The following AGBL4 variants were observed in gnomAD, a reference collection of about 807,000 sequenced individuals.
The protein encoded by AGBL4 is cytosolic carboxypeptidase 6.
In AGBL4, 58 loss-of-function variants were observed where a neutral mutation model predicts 66.4. That is an observed-to-expected ratio of 0.87 (90% confidence interval 0.71 to 1.09). The LOEUF (loss-of-function observed/expected upper bound fraction) is 1.09. AGBL4 is among the 50% of genes least tolerant of loss of function. AGBL4 has a pLI of 0.00. For missense variants in AGBL4, 579 were observed against 631.0 expected (o/e 0.92, Z 0.88); for synonymous variants, 234 against 222.9 (o/e 1.05, Z -0.44).
At chr1:49,172,595 C>G (rs926463913) in intron 4 of AGBL4, among the ~76,000 whole-genome samples, 3 of 152,062 alleles carry the variant, frequency 2.0e-5, no homozygotes, top group Non-Finnish European at 4.4e-5. Context: ...TGAGCAGAGC[C>G]AAACAACATA....
chr1:49,454,059 C>T (rs1646337367), intron 3 of AGBL4, among the ~76,000 whole-genome samples: 1 of 151,738 alleles, frequency 6.6e-6, no homozygotes, highest in Admixed American at 6.6e-5. Context: ...GAGAAAAAAA[C>T]TAAATCCTAA....
intron 3 of AGBL4, among the ~76,000 whole-genome samples, chr1:49,261,321 G>A (rs1186038966): frequency 6.6e-6 from 1 of 152,112 alleles, no homozygotes; most frequent in Admixed American, 6.5e-5. Context: ...AAATTAGGCA[G>A]GAGAAGGAAA....
At chr1:48,694,263 G>C (rs890334543) in intron 6 of AGBL4, among the ~76,000 whole-genome samples, 2 of 152,234 alleles carry the variant, frequency 1.3e-5, no homozygotes, top group South Asian at 2.1e-4. Flanking sequence ...GATTGAGAGA[G>C]AGGATATGAA....
chr1:49,902,714 T>G (rs569787705), intron 1 of AGBL4, among the ~76,000 whole-genome samples: 5 of 152,108 alleles, frequency 3.3e-5, no homozygotes, highest in African/African-American at 1.2e-4. Context: ...GTCACTACAC[T>G]CCAGCCTGGG....
chr1:49,458,675 T>C (rs535797840), intron 3 of AGBL4, among the ~76,000 whole-genome samples: 3 of 151,938 alleles, frequency 2.0e-5, no homozygotes, highest in South Asian at 2.1e-4. Context: ...TTCAGTACAA[T>C]GCTAGCTGTG....
chr1:49,856,292 T>C (rs548573485), intron 1 of AGBL4, among the ~76,000 whole-genome samples: 1 of 152,214 alleles, frequency 6.6e-6, no homozygotes, highest in South Asian at 2.1e-4. Flanking sequence ...ATGGCTGTAC[T>C]TCTGAAATCT....
At chr1:48,586,157 A>T (rs1235032433) in intron 11 of AGBL4, 1 of 152,192 alleles carries the variant, frequency 6.6e-6, no homozygotes, top group East Asian at 1.9e-4. Context: ...TAAAATCAAC[A>T]CTCGGGAAAC....
At chr1:48,559,410 G>T (rs1454779422) in intron 11 of AGBL4, among the ~76,000 whole-genome samples, 1 of 151,896 alleles carries the variant, frequency 6.6e-6, no homozygotes, top group African/African-American at 2.4e-5. Context: ...ATAAGAAGAG[G>T]ATACAGGATG....
intron 5 of AGBL4, among the ~76,000 whole-genome samples, chr1:48,906,917 C>T (rs1251400745): frequency 1.3e-5 from 2 of 152,212 alleles, no homozygotes; most frequent in African/African-American, 2.4e-5. Flanking sequence ...AACCACTTCA[C>T]TGTCTGTACA....
chr1:49,823,431 A>C (rs1305970666), intron 2 of AGBL4, among the ~76,000 whole-genome samples: 1 of 152,196 alleles, frequency 6.6e-6, no homozygotes, highest in East Asian at 1.9e-4. Context: ...AATATATATT[A>C]ATACACGTTG....
intron 2 of AGBL4, among the ~76,000 whole-genome samples, chr1:49,817,611 G>A (rs1645263669): frequency 6.6e-6 from 1 of 151,768 alleles, no homozygotes; most frequent in Non-Finnish European, 1.5e-5. Flanking sequence ...CCATACTTTT[G>A]GATACACAAA....
intron 6 of AGBL4, chr1:48,761,580 T>A: frequency 8.5e-7 from 1 of 1,175,332 alleles, no homozygotes; most frequent in Admixed American, 2.7e-5. Flanking sequence ...CCAGACCAGT[T>A]AAAAAGGAAA....
intron 9 of AGBL4, among the ~76,000 whole-genome samples, chr1:48,633,951 T>A (rs1470029477): frequency 6.6e-6 from 1 of 152,230 alleles, no homozygotes; most frequent in Non-Finnish European, 1.5e-5. Flanking sequence ...CATATTCTTG[T>A]CTTCTGAGCC....
chr1:49,611,179 C>A (rs1476725953), intron 3 of AGBL4, among the ~76,000 whole-genome samples: 1 of 152,114 alleles, frequency 6.6e-6, no homozygotes, highest in Non-Finnish European at 1.5e-5. Context: ...ACCCTGTTAT[C>A]TCCTCCTAGT....
chr1:49,870,510 T>A (rs965515836), intron 1 of AGBL4, among the ~76,000 whole-genome samples: 1 of 151,282 alleles, frequency 6.6e-6, no homozygotes, highest in Non-Finnish European at 1.5e-5. Context: ...ATGATATGAT[T>A]ATTACACATT....
chr1:48,810,703 T>C (rs1159231592), intron 6 of AGBL4, among the ~76,000 whole-genome samples: 1 of 152,236 alleles, frequency 6.6e-6, no homozygotes, highest in Non-Finnish European at 1.5e-5. Context: ...AACTTTACTG[T>C]GATGAGCTAC....
chr1:48,893,676 C>G (rs1219072550), intron 5 of AGBL4, among the ~76,000 whole-genome samples: 1 of 106,056 alleles, frequency 9.4e-6, no homozygotes, highest in African/African-American at 2.9e-5. Context: ...CAGAGTGAGA[C>G]TCTGTCTCAA....
intron 6 of AGBL4, among the ~76,000 whole-genome samples, chr1:48,837,303 G>T (rs972617969): frequency 6.6e-6 from 1 of 152,038 alleles, no homozygotes; most frequent in Non-Finnish European, 1.5e-5. Context: ...CACAGTGAGT[G>T]TGATGGTTAA....
intron 5 of AGBL4, among the ~76,000 whole-genome samples, chr1:48,876,298 A>G (rs1405629974): frequency 1.3e-5 from 2 of 152,104 alleles, no homozygotes; most frequent in East Asian, 1.9e-4. Context: ...TGAAACCCTT[A>G]CTCCTGCTGG....
Sources: allele counts gnomAD v4.1 joint callset (sites outside exome capture counted in the v4.1 genomes callset), GRCh38; gene constraint gnomAD v4.1.1; transcripts MANE v1.5; gene names NCBI Gene and HGNC (gene_info 2026-07-23, HGNC 2026-07-21).